The following MGST2 variants were observed in gnomAD, a reference collection of about 807,000 sequenced individuals.
MGST2 encodes glutathione peroxidase MGST2.
A neutral mutation model predicts 16.6 loss-of-function variants in MGST2; 9 were observed. The ratio of observed to expected loss-of-function variants is 0.54; its 90% CI spans 0.33 to 0.95. The LOEUF is 0.95. Among genes scored for constraint, MGST2 ranks in the 40% least tolerant of loss-of-function variants. The pLI is 0.03. For missense variants in MGST2, 159 were observed against 175.1 expected (o/e 0.91, Z 0.52); for synonymous variants, 79 against 68.0 (o/e 1.16, Z -0.79).
chr4:139,698,077 C>G, intron 3 of MGST2: 3 of 915,106 alleles, frequency 3.3e-6, no homozygotes, highest in Non-Finnish European at 4.9e-6. Context: ...TTCAGAACTA[C>G]CAATAACAGG....
chr4:139,714,293 A>G (rs1174437982), intron 5 of MGST2, among the ~76,000 whole-genome samples: 1 of 152,208 alleles, frequency 6.6e-6, no homozygotes, highest in Non-Finnish European at 1.5e-5. Flanking sequence ...TCTTTTTGGC[A>G]TTAATCAAAA....
chr4:139,733,092 T>G (rs1257210682), intron 5 of MGST2, among the ~76,000 whole-genome samples: 1 of 152,210 alleles, frequency 6.6e-6, no homozygotes, highest in Non-Finnish European at 1.5e-5. Context: ...TTCCTTCCAG[T>G]GAAATAAAGC....
chr4:139,720,374 T>C, intron 5 of MGST2: 1 of 1,462,682 alleles, frequency 6.8e-7, no homozygotes, highest in Non-Finnish European at 9.1e-7. Context: ...ATAAGCAATA[T>C]ACTGCAACAA....
At position 139,666,096 on chromosome 4, in the gene MGST2, TCGTGTGTGTGCGCGTGTGTG is replaced by T; in HGVS notation, c.58+30_58+49del. 6.7e-7 allele frequency: 1 copy of T among 1,502,776 alleles called. No homozygotes were observed. Among genetic ancestry groups the T allele is most frequent in the South Asian group, 1.1e-5 (1 of 88,110 alleles). The allele number at this position is 1,502,776 out of a possible 1,614,324, so 93.1% of individuals were successfully genotyped here. On this transcript the variant is annotated intron_variant, in intron 1 of 4. Coordinates refer to ENST00000265498, the MANE Select transcript of MGST2 (RefSeq NM_002413.5). ...CAGCAAAGTAAGAGGCATGGGAAGT[TCGTGTGTGTGCGCGTGTGTG>T]CGTGTGTGTGTGTGTGTGACAAGGC...
intron 5 of MGST2, among the ~76,000 whole-genome samples, chr4:139,737,210 G>GA (rs1272507732): frequency 1.3e-5 from 2 of 152,138 alleles, no homozygotes; most frequent in African/African-American, 4.8e-5. Context: ...CCCTCTGATT[G>GA]AAAGAGTTCT....
At chr4:139,719,294 C>T (rs191652555) in intron 5 of MGST2, 135 of 1,534,792 alleles carry the variant, frequency 8.8e-5, no homozygotes, top group East Asian at 7.3e-4. Context: ...TTTAACCACT[C>T]GAGTTGTGGA....
intron 5 of MGST2, among the ~76,000 whole-genome samples, chr4:139,734,183 C>T (rs1468505016): frequency 6.6e-6 from 1 of 152,196 alleles, no homozygotes; most frequent in Non-Finnish European, 1.5e-5. Flanking sequence ...TAATACATGG[C>T]TTCTTTTAAC....
At chr4:139,711,454 A>C (rs1173516849) in intron 5 of MGST2, among the ~76,000 whole-genome samples, 2 of 152,204 alleles carry the variant, frequency 1.3e-5, no homozygotes, top group Non-Finnish European at 2.9e-5. Context: ...TCTCTTGATG[A>C]TATACTAAAC....
At chr4:139,675,250 T>A (rs1005390155) in intron 1 of MGST2, among the ~76,000 whole-genome samples, 3 of 152,226 alleles carry the variant, frequency 2.0e-5, no homozygotes, top group Admixed American at 6.5e-5. Context: ...GAGTTTTTAT[T>A]TCCGTGCTTG....
chr4:139,736,131 C>T (rs1463469920), intron 5 of MGST2, among the ~76,000 whole-genome samples: 1 of 152,166 alleles, frequency 6.6e-6, no homozygotes, highest in African/African-American at 2.4e-5. Flanking sequence ...CACACTCACT[C>T]ACTCACTCAC....
chr4:139,753,345 T>A, the MGST2 span, among the ~76,000 whole-genome samples: 411 of 119,898 alleles, frequency 3.4e-3, 4 homozygotes, highest in Admixed American at 0.024. Flanking sequence ...CTTTTTAATC[T>A]ATCTATCTAT....
intron 5 of MGST2, among the ~76,000 whole-genome samples, chr4:139,711,606 G>T (rs987067161): frequency 1.3e-5 from 2 of 152,142 alleles, no homozygotes; most frequent in African/African-American, 4.8e-5. Flanking sequence ...CGCCATTTTG[G>T]TTTTGCTGGA....
At chr4:139,698,427 C>T in intron 3 of MGST2, 3 of 1,404,018 alleles carry the variant, frequency 2.1e-6, no homozygotes, top group Non-Finnish European at 3.0e-6. Flanking sequence ...AGTACCAGGC[C>T]TGTAACGATG....
chr4:139,668,724 G>A (rs867449589), intron 1 of MGST2, among the ~76,000 whole-genome samples: 7 of 152,158 alleles, frequency 4.6e-5, no homozygotes, highest in South Asian at 4.2e-4. Flanking sequence ...GCCAGAGCCC[G>A]CCATTGCTTA....
chr4:139,734,499 CCTCTGACTCTT>C (rs1285734911), intron 5 of MGST2, among the ~76,000 whole-genome samples: 2 of 152,196 alleles, frequency 1.3e-5, no homozygotes, highest in Non-Finnish European at 2.9e-5. Flanking sequence ...CTCGCCCAAC[CCTCTGACTCTT>C]CAGTAAAATA....
intron 3 of MGST2, chr4:139,698,555 G>T: frequency 2.2e-6 from 2 of 892,592 alleles, no homozygotes; most frequent in Non-Finnish European, 3.6e-6. Flanking sequence ...TACGAGCCAT[G>T]GTACAGAGAC....
downstream of MGST2, among the ~76,000 whole-genome samples, chr4:139,742,595 T>C (rs1164045352): frequency 1.3e-5 from 2 of 152,246 alleles, no homozygotes; most frequent in African/African-American, 2.4e-5. Context: ...GTGGGGCCTA[T>C]ATTTTCAGCT....
chr4:139,749,980 C>A, the MGST2 span, among the ~76,000 whole-genome samples: 1 of 149,038 alleles, frequency 6.7e-6, no homozygotes, highest in East Asian at 2.0e-4. Flanking sequence ...GCTATCATTT[C>A]ATTAATATGG....
chr4:139,726,086 T>G (rs1728463352), intron 5 of MGST2, among the ~76,000 whole-genome samples: 1 of 152,218 alleles, frequency 6.6e-6, no homozygotes, highest in Non-Finnish European at 1.5e-5. Context: ...CTCGTGCCCC[T>G]TCCAGTCATC....
Sources: allele counts gnomAD v4.1 joint callset (sites outside exome capture counted in the v4.1 genomes callset), GRCh38; gene constraint gnomAD v4.1.1; transcripts MANE v1.5; gene names NCBI Gene and HGNC (gene_info 2026-07-23, HGNC 2026-07-21).